Variants in SIPA1L1 observed in about 807,000 individuals in gnomAD.
SIPA1L1 encodes the protein signal-induced proliferation-associated 1-like protein 1.
Under a neutral mutation model 162.7 loss-of-function variants are expected in SIPA1L1, and 26 were observed. The observed-to-expected ratio is 0.16, with a 90% confidence interval of 0.12 to 0.22. SIPA1L1 has a LOEUF of 0.22. Among genes scored for constraint, SIPA1L1 ranks in the 10% least tolerant of loss-of-function variants. The probability of loss-of-function intolerance (pLI) is 1.00; values close to 1 mark genes in which losing one functional copy is unlikely to be tolerated. For synonymous variants in SIPA1L1, 829 were observed against 837.4 expected (o/e 0.99, Z 0.17); for missense variants, 1,874 against 2,241.0 (o/e 0.84, Z 3.31).
chr14:71,622,152 T>C (rs2039512744), intron 6 of SIPA1L1, among the ~76,000 whole-genome samples: 1 of 152,226 alleles, frequency 6.6e-6, no homozygotes, highest in Non-Finnish European at 1.5e-5. Context: ...ACAGTGACAC[T>C]CTAGTGGCTT....
intron 5 of SIPA1L1, among the ~76,000 whole-genome samples, chr14:71,603,724 C>T (rs997718784): frequency 6.6e-6 from 1 of 151,802 alleles, no homozygotes; most frequent in South Asian, 2.1e-4. Flanking sequence ...AGTTCGAGAC[C>T]AGCCTGGCCA....
At chr14:71,542,146 G>A (rs141613399) in intron 4 of SIPA1L1, among the ~76,000 whole-genome samples, 37 of 152,076 alleles carry the variant, frequency 2.4e-4, no homozygotes, top group East Asian at 5.8e-4. Context: ...GTGCACAGTC[G>A]TAGTTCACTG....
At position 71,718,543 on chromosome 14, in the gene SIPA1L1, G is replaced by A. The variant is rs182983034; in HGVS notation, c.4209-5104G>A. Among the ~76,000 whole-genome samples the A allele has an allele frequency of 1.2e-4, 18 of 152,280 alleles. 1 individual carries two copies. In the East Asian group the frequency reaches 3.3e-3, roughly 28 times the overall value. Reference sequence around the variant, plus strand: ...TGAGCACTTGTAGTCCTGGCTACTTGGGGGGCTAAGGTGGAAGGATCGCTT... The same window carrying A: ...TGAGCACTTGTAGTCCTGGCTACTTAGGGGGCTAAGGTGGAAGGATCGCTT... On this transcript the variant is annotated intron_variant, in intron 17 of 23. Transcript: ENST00000381232.
At chr14:71,680,834 C>G (rs770816871) in intron 12 of SIPA1L1, among the ~76,000 whole-genome samples, 49 of 152,186 alleles carry the variant, frequency 3.2e-4, no homozygotes, top group Admixed American at 9.2e-4. Context: ...TAGAGGGCCT[C>G]GGGTCTTTAT....
chr14:71,730,117 G>A lies in SIPA1L1; in HGVS notation c.4677G>A (p.Leu1559=). The A allele has an allele frequency of 1.9e-6, 3 of 1,614,136 alleles. No homozygotes were observed. The highest frequency in any genetic ancestry group is 2.5e-6 in the Non-Finnish European group (3 of 1,180,002). ...GCACCCCCACCTCACGGCGGGCCTT[G>A]CACAGAACACTGTCGGACGAGAGCA... is the stretch of plus-strand genomic sequence containing the variant. ...FPSTPTSRRA[L]HRTLSDESIY... The change falls in exon 20 of 24, where the codon TTG becomes TTA. Residue 1559 remains leucine, a synonymous_variant. Transcript: ENST00000381232.
At chr14:71,643,919 T>C (rs1455944065) in intron 7 of SIPA1L1, among the ~76,000 whole-genome samples, 4 of 151,634 alleles carry the variant, frequency 2.6e-5, no homozygotes, top group Non-Finnish European at 5.9e-5. Context: ...GCAATTCTCA[T>C]GCCTCAGCCT....
At chr14:71,448,340 A>G (rs1489442480) in intron 2 of SIPA1L1, among the ~76,000 whole-genome samples, 2 of 152,142 alleles carry the variant, frequency 1.3e-5, no homozygotes, top group East Asian at 3.8e-4. Flanking sequence ...TAAGTGCTCT[A>G]ATGTATTGAC....
intron 5 of SIPA1L1, among the ~76,000 whole-genome samples, chr14:71,604,972 ATTTTCTAACCCTTTGATTTTCT>A: frequency 1.3e-5 from 2 of 152,014 alleles, no homozygotes; most frequent in Non-Finnish European, 2.9e-5. Flanking sequence ...CATTAAATAT[ATTTTCTAACCCTTTGATTTTCT>A]TTTCACCTTC....
intron 4 of SIPA1L1, among the ~76,000 whole-genome samples, chr14:71,584,434 A>C (rs540010906): frequency 3.9e-5 from 6 of 152,310 alleles, no homozygotes; most frequent in African/African-American, 1.4e-4. Context: ...CAAAATGGAA[A>C]GTGTATAGGA....
chr14:71,725,600 T>C (rs548419300), intron 19 of SIPA1L1, among the ~76,000 whole-genome samples: 1 of 152,346 alleles, frequency 6.6e-6, no homozygotes, highest in African/African-American at 2.4e-5. Context: ...CGTCTCAGCT[T>C]GTAAGACCTT....
intron 2 of SIPA1L1, among the ~76,000 whole-genome samples, chr14:71,454,017 A>AAGG (rs2046010486): frequency 6.6e-6 from 1 of 150,640 alleles, no homozygotes; most frequent in African/African-American, 2.4e-5. Context: ...AAAAAAAAAA[A>AAGG]AAAAAAAAGG....
At chr14:71,410,643 C>T (rs1322505607) in intron 2 of SIPA1L1, among the ~76,000 whole-genome samples, 6 of 152,256 alleles carry the variant, frequency 3.9e-5, no homozygotes, top group Non-Finnish European at 7.4e-5. Context: ...CTAAAAGTCA[C>T]GTTGGCATTA....
chr14:71,650,249 A>G, intron 7 of SIPA1L1, 86 bp from the exon 8 acceptor site: 1 of 1,325,520 alleles, frequency 7.5e-7, no homozygotes, highest in East Asian at 2.3e-5. Context: ...TTTTCTGGGC[A>G]TGTGCCCTAT....
chr14:71,361,442 G>A (rs1174575337), intron 2 of SIPA1L1, among the ~76,000 whole-genome samples: 2 of 152,162 alleles, frequency 1.3e-5, no homozygotes, highest in Non-Finnish European at 2.9e-5. Flanking sequence ...AATAGTGTGT[G>A]TGTATTTCAC....
At chr14:71,567,787 C>T (rs2031027598) in intron 4 of SIPA1L1, among the ~76,000 whole-genome samples, 1 of 148,776 alleles carries the variant, frequency 6.7e-6, no homozygotes, top group Admixed American at 6.7e-5. Flanking sequence ...ATGGAGCAAA[C>T]TTATAGTTAT....
At position 71,685,589 on chromosome 14, in the gene SIPA1L1, T is replaced by A. The variant is rs879126087; in HGVS notation, c.3332T>A (p.Ile1111Asn). Residue 1111 changes from isoleucine to asparagine, a missense_variant, in exon 13 of 24, where the codon ATC becomes AAC. Physicochemically the swap from Ile to Asn is moderately radical, Grantham distance 149. Transcript: ENST00000381232. ...CCTCCTCCAGAAAGAGCCGCCAACA[T>A]CCCTCGAAGCATCTCCAGTGACGGG... ...KMPPPERAAN[I>N]PRSISSDGRP... is the part of the protein sequence containing the mutation. 2 of 1,613,950 alleles carry A rather than the reference T, an allele frequency of 1.2e-6. No individual in the cohort carries two copies. Among genetic ancestry groups the A allele is most frequent in the Non-Finnish European group, 1.7e-6 (2 of 1,180,018 alleles).
At chr14:71,331,614 T>G (rs1218727157) in intron 2 of SIPA1L1, among the ~76,000 whole-genome samples, 1 of 152,212 alleles carries the variant, frequency 6.6e-6, no homozygotes, top group Non-Finnish European at 1.5e-5. Flanking sequence ...GATGTGTACC[T>G]TAGTGGGTAT....
At chr14:71,618,610 A>G (rs1177273961) in intron 5 of SIPA1L1, 147 bp from the exon 6 acceptor site, 2 of 703,348 alleles carry the variant, frequency 2.8e-6, no homozygotes, top group Non-Finnish European at 4.4e-6. Context: ...TTGTTTTTAT[A>G]ACTAACTGAA....
At chr14:71,354,967 C>T (rs2037099043) in intron 2 of SIPA1L1, among the ~76,000 whole-genome samples, 1 of 152,108 alleles carries the variant, frequency 6.6e-6, no homozygotes, top group Admixed American at 6.5e-5. Context: ...GGGTCACTAA[C>T]ATTAGTGAGA....
Sources: gnomAD v4.1 joint callset for allele counts (sites outside exome capture counted in the v4.1 genomes callset) on GRCh38, gnomAD v4.1.1 for gene constraint, MANE v1.5 for transcripts, NCBI Gene and HGNC (gene_info 2026-07-23, HGNC 2026-07-21) for gene names.